The following PCDHA5 variants were observed in gnomAD, a reference collection of about 807,000 sequenced individuals.
PCDHA5 encodes the protein protocadherin alpha-5.
Under a neutral mutation model 61.6 loss-of-function variants are expected in PCDHA5, and 43 were observed. The ratio of observed to expected loss-of-function variants is 0.70; its 90% CI spans 0.55 to 0.90. The LOEUF (loss-of-function observed/expected upper bound fraction) is 0.90. Ranked by LOEUF, PCDHA5 falls within the 40% of genes least tolerant of loss-of-function variation. PCDHA5 has a pLI of 0.00. For synonymous variants in PCDHA5, 627 were observed against 543.9 expected, an observed-to-expected ratio of 1.15 and a Z score of -2.13; for missense variants, 1,298 against 1,222.7, an observed-to-expected ratio of 1.06 and a Z score of -0.92.
chr5:140,876,206 C>A, intron 1 of PCDHA5: 1 of 1,613,864 alleles, frequency 6.2e-7, no homozygotes, highest in Non-Finnish European at 8.5e-7. Flanking sequence ...TTTGATAAGC[C>A]CAGCTATAAA....
At chr5:140,869,940 C>T in intron 1 of PCDHA5, 1 of 1,612,138 alleles carries the variant, frequency 6.2e-7, no homozygotes, top group African/African-American at 1.3e-5. Flanking sequence ...AGGTAACATA[C>T]TCCTTAATGT....
At chr5:140,985,739 CTTT>C (rs11372071) in intron 3 of PCDHA5, among the ~76,000 whole-genome samples, 5 of 117,900 alleles carry the variant, frequency 4.2e-5, no homozygotes, top group Non-Finnish European at 1.7e-5. Context: ...TGATGAATTC[CTTT>C]TTTTTTTTTT....
chr5:140,917,131 G>A (rs572644426), intron 1 of PCDHA5, among the ~76,000 whole-genome samples: 28 of 152,190 alleles, frequency 1.8e-4, no homozygotes, highest in African/African-American at 5.8e-4. Context: ...GACTCCCCAC[G>A]TTGCTCAGCT....
intron 3 of PCDHA5, among the ~76,000 whole-genome samples, chr5:140,998,072 C>T (rs1554256158): frequency 6.6e-6 from 1 of 152,168 alleles, no homozygotes; most frequent in African/African-American, 2.4e-5. Context: ...CAGACTTAGC[C>T]TCTGCAGTTG....
At chr5:140,826,765 G>A (rs186327192) in intron 1 of PCDHA5, among the ~76,000 whole-genome samples, 1 of 152,174 alleles carries the variant, frequency 6.6e-6, no homozygotes, top group African/African-American at 2.4e-5. Flanking sequence ...TCATATTGGA[G>A]AGTAATTGAA....
chr5:140,991,635 T>C (rs1215420696), intron 3 of PCDHA5, among the ~76,000 whole-genome samples: 1 of 152,220 alleles, frequency 6.6e-6, no homozygotes, highest in East Asian at 1.9e-4. Flanking sequence ...GTAATAACAA[T>C]CTGTTCATGA....
At chr5:140,856,737 T>C (rs369958206) in intron 1 of PCDHA5, 7 of 1,595,910 alleles carry the variant, frequency 4.4e-6, no homozygotes, top group African/African-American at 1.3e-5. Context: ...CTGCTGATCC[T>C]GGTGTTAGAT....
intron 1 of PCDHA5, chr5:140,836,819 C>A: frequency 1.8e-6 from 2 of 1,113,460 alleles, no homozygotes; most frequent in East Asian, 2.5e-5. Flanking sequence ...TTCATAATTT[C>A]TTTTTTAGTT....
At chr5:140,824,187 C>T (rs2150133010) in intron 1 of PCDHA5, 60 bp downstream of exon 1, 10 of 1,603,156 alleles carry the variant, frequency 6.2e-6, no homozygotes, top group African/African-American at 1.3e-5. Context: ...TTAAATGTCA[C>T]ATTCACCCAC....
chr5:140,945,659 G>C (rs2093824580), intron 1 of PCDHA5, among the ~76,000 whole-genome samples: 1 of 152,090 alleles, frequency 6.6e-6, no homozygotes, highest in Non-Finnish European at 1.5e-5. Context: ...GCAGAATACA[G>C]CTCCCAGAAA....
intron 1 of PCDHA5, chr5:140,843,343 G>C: frequency 6.3e-7 from 1 of 1,596,112 alleles, no homozygotes; most frequent in Non-Finnish European, 8.6e-7. Flanking sequence ...AGAGCGGCCA[G>C]GCTCCAAAAG....
chr5:140,852,117 T>A, intron 1 of PCDHA5: 1 of 906,144 alleles, frequency 1.1e-6, no homozygotes, highest in Non-Finnish European at 1.3e-6. Context: ...AGGTATGACC[T>A]AATTAAAAAC....
At chr5:140,964,174 A>G (rs1187603456) in intron 1 of PCDHA5, among the ~76,000 whole-genome samples, 2 of 152,250 alleles carry the variant, frequency 1.3e-5, no homozygotes, top group African/African-American at 4.8e-5. Flanking sequence ...GAACGAAATC[A>G]TTATAGTGCC....
chr5:140,965,440 T>C (rs1028835719), intron 1 of PCDHA5, among the ~76,000 whole-genome samples: 42 of 151,984 alleles, frequency 2.8e-4, no homozygotes, highest in Admixed American at 1.3e-4. Context: ...GTCATTGAAA[T>C]TGCTGGTTAT....
chr5:140,829,140 T>A (rs2150162914), intron 1 of PCDHA5: 1 of 1,613,462 alleles, frequency 6.2e-7, no homozygotes, highest in Non-Finnish European at 8.5e-7. Flanking sequence ...GTCCCTGAGA[T>A]AGCACTGACT....
intron 3 of PCDHA5, among the ~76,000 whole-genome samples, chr5:140,984,789 A>G (rs2097121266): frequency 6.6e-6 from 1 of 152,202 alleles, no homozygotes; most frequent in African/African-American, 2.4e-5. Context: ...GGGTGAGCAT[A>G]GACAAACTGC....
chr5:140,864,689 C>A (rs970922865), intron 1 of PCDHA5: 4 of 152,202 alleles, frequency 2.6e-5, no homozygotes, highest in African/African-American at 7.2e-5. Context: ...TGCTGTCCTC[C>A]AGTTTAAGTT....
chr5:140,957,702 A>C (rs930331275), intron 1 of PCDHA5, among the ~76,000 whole-genome samples: 4 of 152,158 alleles, frequency 2.6e-5, no homozygotes, highest in Non-Finnish European at 5.9e-5. Context: ...AACATTATGT[A>C]GTTTTTATTA....
chr5:140,965,796 A>AT (rs1377584212), intron 1 of PCDHA5, among the ~76,000 whole-genome samples: 2 of 152,134 alleles, frequency 1.3e-5, no homozygotes, highest in Non-Finnish European at 2.9e-5. Flanking sequence ...CATGGAGACT[A>AT]TTTTTTTAAA....
Sources: gnomAD v4.1 joint callset for allele counts (sites outside exome capture counted in the v4.1 genomes callset) on GRCh38, gnomAD v4.1.1 for gene constraint, MANE v1.5 for transcripts, NCBI Gene and HGNC (gene_info 2026-07-23, HGNC 2026-07-21) for gene names.